The following LGALS3 variants were observed in gnomAD, a reference collection of about 807,000 sequenced individuals.
The protein encoded by LGALS3 is galectin 3.
Under a neutral mutation model 20.7 loss-of-function variants are expected in LGALS3, and 18 were observed. The ratio of observed to expected loss-of-function variants is 0.87; its 90% CI spans 0.60 to 1.29. The LOEUF (loss-of-function observed/expected upper bound fraction) is 1.29, where lower values mean the gene tolerates loss of function less well. Among genes scored for constraint, LGALS3 ranks in the 50% most tolerant of loss-of-function variants. The pLI is 0.00. For missense variants in LGALS3, 315 were observed against 314.7 expected (o/e 1.00, Z -0.01); for synonymous variants, 112 against 119.6 (o/e 0.94, Z 0.42).
chr14:55,137,978 A>G, intron 2 of LGALS3, 67 bp from the exon 3 acceptor site: 1 of 1,455,570 alleles, frequency 6.9e-7, no homozygotes, highest in Admixed American at 2.6e-5. Context: ...ACATATTCCT[A>G]TTTTCCTGAA....
chr14:55,134,942 C>T (rs1881338745), intron 1 of LGALS3, among the ~76,000 whole-genome samples: 1 of 151,974 alleles, frequency 6.6e-6, no homozygotes, highest in Admixed American at 6.6e-5. Context: ...ATCACTTGAA[C>T]CCAGGAGTTT....
intron 4 of LGALS3, among the ~76,000 whole-genome samples, chr14:55,140,972 G>C (rs1396912225): frequency 6.6e-6 from 1 of 152,144 alleles, no homozygotes; most frequent in East Asian, 1.9e-4. Flanking sequence ...AAGGAAGCTG[G>C]CCATGTCCTG....
Sources: gnomAD v4.1 joint callset for allele counts (sites outside exome capture counted in the v4.1 genomes callset) on GRCh38, gnomAD v4.1.1 for gene constraint, MANE v1.5 for transcripts, NCBI Gene and HGNC (gene_info 2026-07-23, HGNC 2026-07-21) for gene names.